ITPR1: variants seen among roughly 807,000 people sequenced by gnomAD.
ITPR1 encodes the protein inositol 1,4,5-trisphosphate-gated calcium channel ITPR1.
Under a neutral mutation model 318.4 loss-of-function variants are expected in ITPR1, and 96 were observed. The observed-to-expected ratio is 0.30, with a 90% CI of 0.26 to 0.36. The LOEUF (loss-of-function observed/expected upper bound fraction) is 0.36, where lower values mean the gene tolerates loss of function less well. Ranked by LOEUF, ITPR1 falls within the 10% of genes least tolerant of loss-of-function variation. The pLI, the probability that ITPR1 is intolerant of heterozygous loss-of-function variation, is 1.00. For missense variants in ITPR1, 2,440 were observed against 3,460.2 expected (o/e 0.71, Z 7.40); for synonymous variants, 1,312 against 1,289.9 (o/e 1.02, Z -0.37).
At chr3:4,687,129 T>G (rs2094407972) in intron 30 of ITPR1, among the ~76,000 whole-genome samples, 1 of 152,248 alleles carries the variant, frequency 6.6e-6, no homozygotes. Flanking sequence ...ATCCACCACC[T>G]GTTTTGAACA....
chr3:4,759,234 G>T (rs114350864), intron 44 of ITPR1, among the ~76,000 whole-genome samples: 1 of 152,226 alleles, frequency 6.6e-6, no homozygotes, highest in African/African-American at 2.4e-5. Flanking sequence ...GACTTGCAGG[G>T]CTGGGGGAGG....
chr3:4,585,032 G>A (rs922131093), intron 4 of ITPR1, among the ~76,000 whole-genome samples: 7 of 152,194 alleles, frequency 4.6e-5, no homozygotes, highest in Admixed American at 2.0e-4. Context: ...ACCCACGTCA[G>A]TGAGAGCTGG....
In ITPR1 at chr3:4,822,814, G is replaced by A. The variant is rs547489470; in HGVS notation, c.8028+4572G>A. Among the ~76,000 whole-genome samples the A allele has an allele frequency of 2.6e-5, 4 of 152,166 alleles. No homozygotes were observed. In the South Asian group the frequency reaches 8.3e-4, roughly 32 times the overall value. The stretch of plus-strand genomic sequence containing the variant: ...GATGCAATCTCATATTCACTGACTT[G>A]GGCCCTGGACAAGCCTGGGCTTTCA... On this transcript the variant is annotated intron_variant, in intron 60 of 61. Coordinates refer to ENST00000649015, the MANE Select transcript of ITPR1 (RefSeq NM_001378452.1).
chr3:4,638,088 C>T (rs1013107075), intron 5 of ITPR1, among the ~76,000 whole-genome samples: 27 of 151,990 alleles, frequency 1.8e-4, no homozygotes, highest in African/African-American at 9.7e-5. Flanking sequence ...ATAATGAAGC[C>T]GGTAGGTAGG....
chr3:4,573,036 G>C (rs956645709), intron 4 of ITPR1, among the ~76,000 whole-genome samples: 2 of 152,118 alleles, frequency 1.3e-5, no homozygotes, highest in African/African-American at 4.8e-5. Flanking sequence ...ATTGGGATTA[G>C]TGCTGCTATG....
chr3:4,683,365 C>T (rs1475353740), intron 26 of ITPR1, 21 bp from the exon 27 acceptor site: 8 of 1,613,786 alleles, frequency 5.0e-6, no homozygotes, highest in Non-Finnish European at 6.8e-6. Context: ...TTTGGCCTTT[C>T]CCCACCTTGT....
chr3:4,799,792 T>A (rs2048107816), intron 53 of ITPR1: 1 of 152,258 alleles, frequency 6.6e-6, no homozygotes, highest in Non-Finnish European at 1.5e-5. Flanking sequence ...GCAGGGATAA[T>A]CTAATTGTAG....
intron 5 of ITPR1, among the ~76,000 whole-genome samples, chr3:4,631,495 A>G (rs1385506034): frequency 6.6e-6 from 1 of 152,190 alleles, no homozygotes; most frequent in African/African-American, 2.4e-5. Context: ...TCTTTTAAAA[A>G]TATCAATCTC....
intron 4 of ITPR1, among the ~76,000 whole-genome samples, chr3:4,571,830 A>G (rs999510811): frequency 3.3e-5 from 5 of 152,170 alleles, no homozygotes; most frequent in African/African-American, 1.2e-4. Flanking sequence ...GCTAGATGTT[A>G]GACTTTGAGA....
intron 13 of ITPR1, among the ~76,000 whole-genome samples, chr3:4,659,197 C>A (rs986875916): frequency 6.6e-5 from 10 of 152,176 alleles, no homozygotes; most frequent in African/African-American, 2.4e-4. Context: ...AGTTGTGTTT[C>A]ATCCATTCAG....
intron 4 of ITPR1, among the ~76,000 whole-genome samples, chr3:4,560,302 G>C (rs1309483162): frequency 6.6e-6 from 1 of 152,110 alleles, no homozygotes; most frequent in Non-Finnish European, 1.5e-5. Flanking sequence ...ACTTCCCCCA[G>C]TTAATGTAAT....
At chr3:4,720,384 C>A (rs1328567938) in intron 40 of ITPR1, among the ~76,000 whole-genome samples, 1 of 152,226 alleles carries the variant, frequency 6.6e-6, no homozygotes, top group East Asian at 1.9e-4. Context: ...GTGGCCCCAA[C>A]AGGTAATCAT....
At chr3:4,798,068 C>T (rs748591028) in intron 53 of ITPR1, among the ~76,000 whole-genome samples, 1 of 152,186 alleles carries the variant, frequency 6.6e-6, no homozygotes, top group Non-Finnish European at 1.5e-5. Flanking sequence ...ACATTGGCCT[C>T]TTCAGGATTT....
At chr3:4,614,980 C>CA (rs1405638139) in intron 4 of ITPR1, among the ~76,000 whole-genome samples, 1 of 152,160 alleles carries the variant, frequency 6.6e-6, no homozygotes, top group East Asian at 1.9e-4. Context: ...AACTGACTAA[C>CA]ATAAGCCCAA....
chr3:4,781,331 T>C (rs2046825038), intron 49 of ITPR1, among the ~76,000 whole-genome samples: 1 of 152,170 alleles, frequency 6.6e-6, no homozygotes, highest in Non-Finnish European at 1.5e-5. Flanking sequence ...AGGTTGAAGG[T>C]ATTTTCTTCT....
At chr3:4,563,371 T>C (rs149286398) in intron 4 of ITPR1, among the ~76,000 whole-genome samples, 1 of 151,998 alleles carries the variant, frequency 6.6e-6, no homozygotes, top group Middle Eastern at 3.2e-3. Context: ...TAGCTGGGCA[T>C]GGTGATGCAC....
chr3:4,773,880 T>C (rs1019477772), intron 46 of ITPR1, among the ~76,000 whole-genome samples: 4 of 152,176 alleles, frequency 2.6e-5, no homozygotes, highest in African/African-American at 9.7e-5. Context: ...TGGGTTAAGT[T>C]GTAGTGGGGA....
chr3:4,662,756 C>T (rs1442462147), intron 15 of ITPR1, among the ~76,000 whole-genome samples: 2 of 151,926 alleles, frequency 1.3e-5, no homozygotes, highest in African/African-American at 2.4e-5. Flanking sequence ...ATGAAGACCT[C>T]ACTCTCTCTT....
chr3:4,825,363 G>C (rs2050004231), intron 60 of ITPR1, among the ~76,000 whole-genome samples: 1 of 152,178 alleles, frequency 6.6e-6, no homozygotes, highest in Admixed American at 6.5e-5. Context: ...CTCAGGAGGT[G>C]GTGGGGTGCT....
Sources: allele counts gnomAD v4.1 joint callset (sites outside exome capture counted in the v4.1 genomes callset), GRCh38; gene constraint gnomAD v4.1.1; transcripts MANE v1.5; gene names NCBI Gene and HGNC (gene_info 2026-07-23, HGNC 2026-07-21).